Variants in DNM1L observed in about 807,000 individuals in gnomAD.
The protein encoded by DNM1L is dynamin-1-like protein.
DNM1L carries 33 observed loss-of-function variants against 92.8 expected under a neutral mutation model. The ratio of observed to expected loss-of-function variants is 0.36; its 90% CI spans 0.27 to 0.48. The LOEUF is 0.48. Ranked by LOEUF, DNM1L falls within the 20% of genes least tolerant of loss-of-function variation. DNM1L has a pLI of 0.99. For synonymous variants in DNM1L, 284 were observed against 305.0 expected, an observed-to-expected ratio of 0.93 and a Z score of 0.72; for missense variants, 485 against 888.8, an observed-to-expected ratio of 0.55 and a Z score of 5.78.
At chr12:32,725,385 C>T (rs1163588336) in intron 9 of DNM1L, 1 of 152,168 alleles carries the variant, frequency 6.6e-6, no homozygotes. Context: ...AGAAAAGATG[C>T]TTAGTTAATG....
rs773815322 is a variant in DNM1L, at chr12:32,731,324, T to A, written c.1201-32T>A. The A allele has an allele frequency of 6.2e-7, 1 of 1,613,488 alleles. No individual in the cohort carries two copies. Among genetic ancestry groups the A allele is most frequent in the Non-Finnish European group, 8.5e-7 (1 of 1,179,632 alleles). ...CCTTGGGAAGAACTGAAATTACATATATAATAAGAGTTCTAAGTTTTATTT... is the reference window on the plus strand; with the variant it reads ...CCTTGGGAAGAACTGAAATTACATAAATAATAAGAGTTCTAAGTTTTATTT... On this transcript the variant is annotated intron_variant, in intron 10 of 19. Transcript: ENST00000549701. The surrounding 1 kb of genome is among the most constrained non-coding windows in gnomAD (Gnocchi z 5.1).
chr12:32,739,277 T>TAA (rs71831581), intron 16 of DNM1L, among the ~76,000 whole-genome samples: 21,419 of 151,864 alleles, frequency 0.14, 1,541 homozygotes, highest in Middle Eastern at 0.18. Flanking sequence ...AAAGAATACC[T>TAA]AAAAAAAACC....
chr12:32,683,514 A>G (rs1951882225), intron 1 of DNM1L, among the ~76,000 whole-genome samples: 1 of 150,776 alleles, frequency 6.6e-6, no homozygotes, highest in African/African-American at 2.4e-5. Context: ...CACTGCACCT[A>G]GCCTAAAAAT....
intron 1 of DNM1L, among the ~76,000 whole-genome samples, chr12:32,699,232 T>C (rs1429425191): frequency 1.3e-5 from 2 of 152,232 alleles, no homozygotes; most frequent in East Asian, 1.9e-4. Flanking sequence ...TGTTAATAAG[T>C]GGTGAATTAT....
chr12:32,707,586 A>G (rs1415004970), intron 3 of DNM1L, among the ~76,000 whole-genome samples, 173 bp downstream of exon 3: 2 of 152,204 alleles, frequency 1.3e-5, no homozygotes, highest in Admixed American at 6.5e-5. Context: ...ATTGGAAAAC[A>G]CTTGAAATTG....
intron 2 of DNM1L, among the ~76,000 whole-genome samples, chr12:32,702,446 A>G (rs1241876382): frequency 2.0e-5 from 3 of 152,072 alleles, no homozygotes; most frequent in Non-Finnish European, 4.4e-5. Context: ...TTAGTTCAGT[A>G]TTTGGCTCAG....
At position 32,711,752 on chromosome 12, in the gene DNM1L, G is replaced by A. The variant is rs373190334; in HGVS notation, c.456+737G>A. 1.1e-4 allele frequency among the ~76,000 whole-genome samples: 16 copies of A among 152,090 alleles called. No homozygotes were observed. In the East Asian group the frequency reaches 2.7e-3, roughly 26 times the overall value. On this transcript the variant is annotated intron_variant, in intron 5 of 19. Transcript: ENST00000549701. ...TCTACAAAAAATACAAAAATTAGTC[G>A]GGCATGGTGGTGCACACATGTAGTC... is the stretch of plus-strand genomic sequence containing the variant.
Position 32,737,094 on chromosome 12 carries a change from G to C in DNM1L, c.1540-11G>C, listed in dbSNP as rs756892502. The stretch of plus-strand genomic sequence containing the variant: ...TTGGATAATCACTTTTGTTTTGCTT[G>C]TGTTTCTTAGGAACAAAGGAGAAAC... On this transcript the variant is annotated splice_polypyrimidine_tract_variant and intron_variant, in intron 13 of 19. Coordinates refer to ENST00000549701, the MANE Select transcript of DNM1L (RefSeq NM_012062.5). 6.2e-7 allele frequency: 1 copy of C among 1,613,298 alleles called. No individual in the cohort carries two copies. The highest frequency in any genetic ancestry group is 1.3e-5 in the African/African-American group (1 of 74,830).
At chr12:32,723,901 TACAA>T (rs1298141605) in intron 9 of DNM1L, among the ~76,000 whole-genome samples, 1 of 152,152 alleles carries the variant, frequency 6.6e-6, no homozygotes, top group Non-Finnish European at 1.5e-5. Flanking sequence ...TGGATAGCAT[TACAA>T]ACAATGTGTT....
At position 32,731,914 on chromosome 12, in the gene DNM1L, C is replaced by T. The variant is rs747468677; in HGVS notation, c.1417C>T (p.Arg473Cys). The change falls in exon 12 of 20, where the codon CGT becomes TGT. Residue 473 changes from arginine (R) to cysteine (C), a missense_variant. By Grantham distance (180) the Arg-to-Cys change is radical. This residue lies in a region of DNM1L where 28 missense variants were observed against 65.1 expected (regional missense o/e 0.43). Coordinates refer to ENST00000549701, the MANE Select transcript of DNM1L (RefSeq NM_012062.5). The surrounding 1 kb of genome is among the most constrained non-coding windows in gnomAD (Gnocchi z 5.1). ...AGTTGAAGTGGTGACTTGTCTTCTT[C>T]GTAAAAGGTTGCCTGTTACAAATGA... ...AIVEVVTCLL[R>C]KRLPVTNEMV... 3.7e-6 allele frequency: 6 copies of T among 1,613,716 alleles called. No homozygotes were observed. Among genetic ancestry groups the T allele is most frequent in the Non-Finnish European group, 3.4e-6 (4 of 1,179,740 alleles).
rs1214225530 is a variant in DNM1L, at chr12:32,731,842, T to C, written c.1357-12T>C. The C allele has an allele frequency of 1.9e-6, 3 of 1,602,132 alleles. No individual in the cohort carries two copies. Among genetic ancestry groups the C allele is most frequent in the African/African-American group, 2.7e-5 (2 of 74,678 alleles). On this transcript the variant is annotated splice_polypyrimidine_tract_variant and intron_variant, in intron 11 of 19. Transcript: ENST00000549701. This position sits in a 1 kb window ranked among gnomAD's most constrained non-coding sequence, Gnocchi z 5.1. ...AAAACAAACACGTTTTTCTTTCATC[T>C]ACCATTTGTAGGAATTGTTACGATT...
At chr12:32,696,144 C>T (rs1177574131) in intron 1 of DNM1L, among the ~76,000 whole-genome samples, 1 of 151,972 alleles carries the variant, frequency 6.6e-6, no homozygotes, top group Admixed American at 6.6e-5. Context: ...TAGACCAATA[C>T]TGAGACATAG....
At chr12:32,702,419 G>A (rs1372566890) in intron 2 of DNM1L, among the ~76,000 whole-genome samples, 3 of 151,948 alleles carry the variant, frequency 2.0e-5, no homozygotes, top group East Asian at 1.9e-4. Flanking sequence ...TGAGAGTAAC[G>A]TATTTAATCT....
Position 32,720,543 on chromosome 12 carries a change from T to G in DNM1L, c.741-121T>G, listed in dbSNP as rs1026952445. 4.9e-6 allele frequency: 7 copies of G among 1,433,036 alleles called. No homozygotes were observed. The African/African-American group carries it at 1.0e-4, about 20-fold the overall frequency. The allele number at this position is 1,433,036 out of a possible 1,614,324, so 88.8% of individuals were successfully genotyped here. ...TAATACCTGCCACATAAAATTATTGTGAGAATTAAATAAAACAGTCCCTGT... is the reference window on the plus strand; with the variant it reads ...TAATACCTGCCACATAAAATTATTGGGAGAATTAAATAAAACAGTCCCTGT... On this transcript the variant is annotated intron_variant, in intron 7 of 19. Transcript: ENST00000549701.
rs543073117 is a variant in DNM1L, at chr12:32,706,183, A to T, written c.251-1184A>T. On this transcript the variant is annotated intron_variant, in intron 2 of 19. Coordinates refer to ENST00000549701, the MANE Select transcript of DNM1L (RefSeq NM_012062.5). ...CATTTTGTGAGTTCTGTTCACCTAG[A>T]TTACTCCAGTCCTCCAATGAGACTT... is the stretch of plus-strand genomic sequence containing the variant. 5.7e-4 allele frequency: 131 copies of T among 230,916 alleles called. 3 individuals are homozygous for T. The East Asian group carries it at 0.012, about 22-fold the overall frequency. 14.3% of individuals were successfully genotyped at this position (230,916 alleles called of 1,614,324 possible). A position where few individuals can be genotyped will look rare whatever the true frequency, so the allele number is the denominator to read the frequency against.
At chr12:32,721,799 C>CTA (rs1462317291) in intron 8 of DNM1L, among the ~76,000 whole-genome samples, 1 of 152,124 alleles carries the variant, frequency 6.6e-6, no homozygotes, top group East Asian at 1.9e-4. Flanking sequence ...GACTGACAGG[C>CTA]TATAAGTCAG....
intron 19 of DNM1L, 51 bp downstream of exon 19, chr12:32,742,799 G>GA: frequency 6.5e-7 from 1 of 1,547,826 alleles, no homozygotes; most frequent in Non-Finnish European, 8.8e-7. Context: ...TAGAAACATA[G>GA]AAATAGTTTT....
Position 32,743,479 on chromosome 12 carries a change from C to A in DNM1L, c.*69C>A. The A allele has an allele frequency of 1.4e-6, 2 of 1,451,008 alleles. No homozygotes were observed. The highest frequency in any genetic ancestry group is 1.9e-6 in the Non-Finnish European group (2 of 1,035,186). The allele number at this position is 1,451,008 out of a possible 1,614,324, so 89.9% of individuals were successfully genotyped here. On this transcript the variant is annotated 3_prime_UTR_variant, in exon 20 of 20. Coordinates refer to ENST00000549701, the MANE Select transcript of DNM1L (RefSeq NM_012062.5). ...TAGTTACTGCCTACCTGAGTAGAAT[C>A]TTATTTATGAACTCCTGTGTATTGC... is the stretch of plus-strand genomic sequence containing the variant.
intron 2 of DNM1L, chr12:32,705,834 C>G (rs374083115): frequency 3.1e-6 from 5 of 1,598,028 alleles, no homozygotes; most frequent in Non-Finnish European, 4.2e-6. Context: ...GACCCTGCTA[C>G]ATGGAAAAAC....
Sources: gnomAD v4.1 joint callset for allele counts (sites outside exome capture counted in the v4.1 genomes callset) on GRCh38, gnomAD v4.1.1 for gene constraint, gnomAD v4.1.1 regional missense constraint, Gnocchi (gnomAD v3.1) non-coding constraint, MANE v1.5 for transcripts, NCBI Gene and HGNC (gene_info 2026-07-23, HGNC 2026-07-21) for gene names.